The following PEBP4 variants were observed in gnomAD, a reference collection of about 807,000 sequenced individuals.
PEBP4 encodes phosphatidylethanolamine binding protein 4, also known as phosphatidylethanolamine-binding protein 4.
In PEBP4, 22 loss-of-function variants were observed where a neutral mutation model predicts 23.9. The observed-to-expected ratio is 0.92, with a 90% CI of 0.66 to 1.31. The LOEUF (loss-of-function observed/expected upper bound fraction) is 1.31. Ranked by LOEUF, PEBP4 falls within the 40% of genes most tolerant of loss-of-function variation. The probability of loss-of-function intolerance (pLI) is 0.00; values close to 1 mark genes in which losing one functional copy is unlikely to be tolerated. For synonymous variants in PEBP4, 112 were observed against 99.3 expected, an observed-to-expected ratio of 1.13 and a Z score of -0.76; for missense variants, 324 against 281.7, an observed-to-expected ratio of 1.15 and a Z score of -1.07.
At chr8:22,788,352 G>A (rs1266029135) in intron 4 of PEBP4, among the ~76,000 whole-genome samples, 2 of 152,124 alleles carry the variant, frequency 1.3e-5, no homozygotes, top group Non-Finnish European at 2.9e-5. Context: ...AGAGAAGAGG[G>A]AGAAATGGCA....
chr8:22,919,524 T>C (rs937499514), intron 3 of PEBP4, among the ~76,000 whole-genome samples: 6 of 152,162 alleles, frequency 3.9e-5, no homozygotes, highest in Admixed American at 6.5e-5. Flanking sequence ...AGCAGACCCA[T>C]TTCCCACTTC....
intron 4 of PEBP4, among the ~76,000 whole-genome samples, chr8:22,806,979 C>A (rs1806508376): frequency 6.6e-6 from 1 of 152,176 alleles, no homozygotes; most frequent in African/African-American, 2.4e-5. Flanking sequence ...GCACTGTTTT[C>A]TTTTCTATAT....
intron 3 of PEBP4, among the ~76,000 whole-genome samples, chr8:22,878,777 G>A (rs566438173): frequency 6.6e-6 from 1 of 152,336 alleles, no homozygotes; most frequent in East Asian, 1.9e-4. Context: ...TCTAGGCCAA[G>A]CTGGATGCCA....
chr8:22,760,019 GA>G (rs1369451731), intron 4 of PEBP4, among the ~76,000 whole-genome samples: 3 of 152,196 alleles, frequency 2.0e-5, no homozygotes, highest in Non-Finnish European at 4.4e-5. Flanking sequence ...AGCCTTCCAA[GA>G]CTACCTAGGC....
intron 4 of PEBP4, among the ~76,000 whole-genome samples, chr8:22,761,137 G>C (rs890827066): frequency 5.3e-5 from 8 of 152,166 alleles, no homozygotes; most frequent in Non-Finnish European, 1.2e-4. Context: ...AGCCTCCCCA[G>C]CAAGCACAGG....
At chr8:22,741,937 C>G (rs1805004189) in intron 4 of PEBP4, among the ~76,000 whole-genome samples, 1 of 152,160 alleles carries the variant, frequency 6.6e-6, no homozygotes. Flanking sequence ...GGGACAGGGT[C>G]ACAGCAGAGG....
chr8:22,727,978 G>A (rs1377014867), intron 4 of PEBP4, among the ~76,000 whole-genome samples: 7 of 152,286 alleles, frequency 4.6e-5, no homozygotes, highest in East Asian at 1.9e-4. Flanking sequence ...GACTGGAGCC[G>A]GGCCCCTGGG....
intron 3 of PEBP4, among the ~76,000 whole-genome samples, chr8:22,836,817 A>G (rs979813987): frequency 9.9e-5 from 15 of 152,216 alleles, no homozygotes; most frequent in Non-Finnish European, 1.8e-4. Context: ...ACTACATGTC[A>G]AATGATGAAT....
At chr8:22,902,690 C>A (rs1409430859) in intron 3 of PEBP4, among the ~76,000 whole-genome samples, 2 of 152,216 alleles carry the variant, frequency 1.3e-5, no homozygotes. Context: ...CTGCAAACTT[C>A]CCCAGGGTCA....
chr8:22,744,832 C>A (rs1220087418), intron 4 of PEBP4: 1 of 152,158 alleles, frequency 6.6e-6, no homozygotes, highest in Admixed American at 6.5e-5. Flanking sequence ...GGGTTTCAGG[C>A]CCTTGTGCAC....
chr8:22,895,906 G>T (rs986876383), intron 3 of PEBP4: 5 of 152,234 alleles, frequency 3.3e-5, no homozygotes, highest in Non-Finnish European at 7.3e-5. Context: ...CCCAGCCTAG[G>T]TGGCATTGGC....
chr8:22,868,034 G>A (rs1338123639), intron 3 of PEBP4, among the ~76,000 whole-genome samples: 1 of 152,182 alleles, frequency 6.6e-6, no homozygotes, highest in African/African-American at 2.4e-5. Flanking sequence ...CAGGGGTCCA[G>A]GGTAGATTTG....
chr8:22,937,137 AAAGG>A lies in PEBP4; in HGVS notation c.145-9421_145-9418del, dbSNP rs1385413002. ...AAGAAATAAAAGGCATCCAAATTAG[AAAGG>A]AAGAAGTACAATTATCTGTTTGCAG... On this transcript the variant is annotated intron_variant, in intron 1 of 1. Transcript: ENST00000522278. 2.6e-5 allele frequency among the ~76,000 whole-genome samples: 4 copies of A among 152,236 alleles called. No individual in the cohort carries two copies. The East Asian group carries it at 5.8e-4, about 22-fold the overall frequency.
At chr8:22,830,123 G>GTGTT (rs977063584) in intron 3 of PEBP4, among the ~76,000 whole-genome samples, 4 of 151,456 alleles carry the variant, frequency 2.6e-5, no homozygotes, top group African/African-American at 9.7e-5. Flanking sequence ...TTGTGTGTGT[G>GTGTT]TGTGTGTGTG....
intron 6 of PEBP4, among the ~76,000 whole-genome samples, chr8:22,720,305 A>G (rs555740606): frequency 6.6e-6 from 1 of 152,344 alleles, no homozygotes; most frequent in South Asian, 2.1e-4. Flanking sequence ...TCAGCGGATC[A>G]GCCTTGTGGG....
At chr8:22,727,537 C>A (rs1804642793) in intron 4 of PEBP4, among the ~76,000 whole-genome samples, 1 of 152,122 alleles carries the variant, frequency 6.6e-6, no homozygotes, top group Non-Finnish European at 1.5e-5. Context: ...TCCCAAAGAG[C>A]TGTTCCACGA....
chr8:22,736,168 A>G (rs1250906261), intron 4 of PEBP4, among the ~76,000 whole-genome samples: 3 of 152,174 alleles, frequency 2.0e-5, no homozygotes, highest in Non-Finnish European at 2.9e-5. Flanking sequence ...TGGCTGAGCC[A>G]CAGGAAATTG....
intron 3 of PEBP4, among the ~76,000 whole-genome samples, chr8:22,819,875 G>T (rs1806821234): frequency 6.6e-6 from 1 of 152,208 alleles, no homozygotes; most frequent in Non-Finnish European, 1.5e-5. Context: ...CAAAGTGCTG[G>T]AATTACAGGC....
intron 4 of PEBP4, among the ~76,000 whole-genome samples, chr8:22,754,592 AG>A (rs1193349382): frequency 1.3e-5 from 2 of 152,208 alleles, no homozygotes; most frequent in Admixed American, 1.3e-4. Flanking sequence ...CAAAGCAGAG[AG>A]GAAAGGCTCA....
Sources: allele counts gnomAD v4.1 joint callset (sites outside exome capture counted in the v4.1 genomes callset), GRCh38; gene constraint gnomAD v4.1.1; transcripts MANE v1.5; gene names NCBI Gene and HGNC (gene_info 2026-07-23, HGNC 2026-07-21).